RIMS1: variants seen among roughly 807,000 people sequenced by gnomAD.
RIMS1 encodes regulating synaptic membrane exocytosis 1.
RIMS1 carries 83 observed loss-of-function variants against 214.1 expected under a neutral mutation model. The ratio of observed to expected loss-of-function variants is 0.39; its 90% CI spans 0.32 to 0.47. RIMS1 has a LOEUF of 0.47. Ranked by LOEUF, RIMS1 falls within the 20% of genes least tolerant of loss-of-function variation. The pLI is 0.99. For synonymous variants in RIMS1, 793 were observed against 786.8 expected (o/e 1.01, Z -0.13); for missense variants, 2,050 against 2,161.8 (o/e 0.95, Z 1.03).
At chr6:72,367,522 A>G (rs1207642772) in intron 29 of RIMS1, among the ~76,000 whole-genome samples, 2 of 152,204 alleles carry the variant, frequency 1.3e-5, no homozygotes, top group Non-Finnish European at 2.9e-5. Context: ...AATTTCAAAA[A>G]TAGATTTATT....
intron 6 of RIMS1, among the ~76,000 whole-genome samples, chr6:72,222,313 G>A (rs2058712987): frequency 6.6e-6 from 1 of 151,928 alleles, no homozygotes; most frequent in South Asian, 2.1e-4. Context: ...TTTCTTAAAA[G>A]ACATTGATTT....
At chr6:72,028,997 T>G (rs1369162247) in intron 2 of RIMS1, among the ~76,000 whole-genome samples, 1 of 152,200 alleles carries the variant, frequency 6.6e-6, no homozygotes, top group Admixed American at 6.6e-5. Context: ...TATCTGACAT[T>G]AAAGTTTTTA....
At chr6:72,171,567 A>G (rs796624852) in intron 4 of RIMS1, among the ~76,000 whole-genome samples, 19 of 152,304 alleles carry the variant, frequency 1.2e-4, no homozygotes, top group African/African-American at 4.1e-4. Context: ...ATTTCATTTA[A>G]TTCTCAAAAC....
At chr6:72,221,662 C>T (rs2058481230) in intron 6 of RIMS1, among the ~76,000 whole-genome samples, 1 of 151,920 alleles carries the variant, frequency 6.6e-6, no homozygotes, top group Non-Finnish European at 1.5e-5. Flanking sequence ...GTGCTATTGA[C>T]TGGCTCTTTT....
chr6:72,155,868 A>G (rs772631831), intron 4 of RIMS1, among the ~76,000 whole-genome samples: 1 of 140,378 alleles, frequency 7.1e-6, no homozygotes, highest in Non-Finnish European at 1.6e-5. Flanking sequence ...GCCCGTAGGT[A>G]TATCAGTAGG....
intron 2 of RIMS1, among the ~76,000 whole-genome samples, chr6:72,012,865 G>T (rs1811309297): frequency 1.3e-5 from 2 of 152,144 alleles, no homozygotes; most frequent in South Asian, 4.2e-4. Context: ...TAAATTAGAG[G>T]TGTTTGGGTT....
chr6:72,003,580 C>T (rs1480988671), intron 2 of RIMS1, among the ~76,000 whole-genome samples: 2 of 151,728 alleles, frequency 1.3e-5, no homozygotes, highest in African/African-American at 4.8e-5. Context: ...ATAAAGTTAT[C>T]GATATACAAT....
chr6:72,109,114 G>A (rs2035448044), intron 4 of RIMS1, among the ~76,000 whole-genome samples: 1 of 151,936 alleles, frequency 6.6e-6, no homozygotes, highest in Non-Finnish European at 1.5e-5. Context: ...TGGACATTTG[G>A]GTTGGTTCCA....
chr6:72,037,971 G>A (rs1021705240), intron 2 of RIMS1, among the ~76,000 whole-genome samples: 1 of 149,762 alleles, frequency 6.7e-6, no homozygotes, highest in Non-Finnish European at 1.5e-5. Flanking sequence ...AAGATATCTG[G>A]GCACTCTGAC....
At position 72,201,321 on chromosome 6, in the gene RIMS1, G is replaced by A. The variant is rs117924530; in HGVS notation, c.1678+18172G>A. Among the ~76,000 whole-genome samples the A allele has an allele frequency of 7.2e-3, 1,090 of 152,240 alleles. 9 individuals carry two copies. Among genetic ancestry groups the A allele is most frequent in the Middle Eastern group, 0.017 (5 of 294 alleles). ...GATGTGTAACTAAAGGTCATTTTAAGGGGAAACATTTACGCTTCAAAGTTC... is the reference window on the plus strand; with the variant it reads ...GATGTGTAACTAAAGGTCATTTTAAAGGGAAACATTTACGCTTCAAAGTTC... On this transcript the variant is annotated intron_variant, in intron 6 of 33. Coordinates refer to ENST00000521978, the MANE Select transcript of RIMS1 (RefSeq NM_014989.7).
At chr6:72,241,114 A>G (rs1177530412) in intron 9 of RIMS1, among the ~76,000 whole-genome samples, 4 of 152,214 alleles carry the variant, frequency 2.6e-5, no homozygotes, top group Non-Finnish European at 4.4e-5. Context: ...TGAGCAAACA[A>G]TTGGAAAAAA....
intron 2 of RIMS1, among the ~76,000 whole-genome samples, chr6:72,001,870 G>A (rs1584569919): frequency 6.6e-6 from 1 of 152,126 alleles, no homozygotes. Context: ...ATGTGGTACA[G>A]AACATTCCAC....
At chr6:72,190,113 G>A (rs978454477) in intron 6 of RIMS1, among the ~76,000 whole-genome samples, 6 of 152,154 alleles carry the variant, frequency 3.9e-5, no homozygotes, top group African/African-American at 1.4e-4. Flanking sequence ...ACTGGTCGAA[G>A]TTCTGCCCAC....
chr6:72,314,066 G>A (rs866709646), intron 28 of RIMS1, among the ~76,000 whole-genome samples: 1 of 152,142 alleles, frequency 6.6e-6, no homozygotes, highest in African/African-American at 2.4e-5. Context: ...CAACATGGGT[G>A]TGTGTGTGTA....
intron 1 of RIMS1, among the ~76,000 whole-genome samples, chr6:71,908,773 A>G (rs1164551329): frequency 6.6e-6 from 1 of 152,154 alleles, no homozygotes; most frequent in East Asian, 1.9e-4. Flanking sequence ...GAACCTTTTC[A>G]TCTTGTAATT....
At chr6:72,090,283 A>C (rs1835871042) in intron 2 of RIMS1, among the ~76,000 whole-genome samples, 1 of 152,170 alleles carries the variant, frequency 6.6e-6, no homozygotes, top group Non-Finnish European at 1.5e-5. Flanking sequence ...CTGAAATTAC[A>C]GGCATGTGCC....
chr6:72,361,422 G>T (rs1595214474), intron 29 of RIMS1, among the ~76,000 whole-genome samples: 2 of 151,846 alleles, frequency 1.3e-5, no homozygotes, highest in Non-Finnish European at 2.9e-5. Context: ...CTTTCTTATT[G>T]CTGCTTAATA....
intron 2 of RIMS1, among the ~76,000 whole-genome samples, chr6:72,005,888 C>T (rs1807369126): frequency 1.3e-5 from 2 of 152,158 alleles, no homozygotes; most frequent in Non-Finnish European, 2.9e-5. Flanking sequence ...TGTAACACAA[C>T]ATATAGTAAA....
chr6:72,368,983 A>G (rs969401887), intron 29 of RIMS1, among the ~76,000 whole-genome samples: 7 of 151,474 alleles, frequency 4.6e-5, no homozygotes, highest in African/African-American at 1.2e-4. Context: ...ATGTCAGCTC[A>G]TACAGAGGAA....
Sources: gnomAD v4.1 joint callset for allele counts (sites outside exome capture counted in the v4.1 genomes callset) on GRCh38, gnomAD v4.1.1 for gene constraint, MANE v1.5 for transcripts, NCBI Gene and HGNC (gene_info 2026-07-23, HGNC 2026-07-21) for gene names.